CCDC91: variants seen among roughly 807,000 people sequenced by gnomAD.
The protein encoded by CCDC91 is coiled-coil domain-containing protein 91.
CCDC91 carries 48 observed loss-of-function variants against 63.2 expected under a neutral mutation model. The ratio of observed to expected loss-of-function variants is 0.76; its 90% CI spans 0.60 to 0.97. CCDC91 has a LOEUF of 0.97. Ranked by LOEUF, CCDC91 falls within the 50% of genes least tolerant of loss-of-function variation. CCDC91 has a pLI of 0.00. For synonymous variants in CCDC91, 167 were observed against 165.8 expected (o/e 1.01, Z -0.06); for missense variants, 500 against 494.6 (o/e 1.01, Z -0.10).
At chr12:28,395,027 T>C (rs1946204169) in intron 8 of CCDC91, among the ~76,000 whole-genome samples, 1 of 152,200 alleles carries the variant, frequency 6.6e-6, no homozygotes, top group Non-Finnish European at 1.5e-5. Context: ...CTAAGACTGT[T>C]TGTATAGCTA....
chr12:28,310,320 A>C (rs1450197505), intron 6 of CCDC91, among the ~76,000 whole-genome samples: 1 of 152,076 alleles, frequency 6.6e-6, no homozygotes, highest in Non-Finnish European at 1.5e-5. Flanking sequence ...GACTTAACGT[A>C]TATCACTTTG....
At chr12:28,212,515 C>T (rs777746023) in intron 1 of CCDC91, among the ~76,000 whole-genome samples, 7 of 152,140 alleles carry the variant, frequency 4.6e-5, no homozygotes, top group East Asian at 3.8e-4. Flanking sequence ...CTTTTACAGG[C>T]GCATACCCCT....
intron 12 of CCDC91, among the ~76,000 whole-genome samples, chr12:28,544,270 C>A (rs1307476171): frequency 6.6e-6 from 1 of 151,686 alleles, no homozygotes; most frequent in African/African-American, 2.4e-5. Flanking sequence ...GTCTGCACCC[C>A]CCTTTTGGAG....
intron 3 of CCDC91, among the ~76,000 whole-genome samples, chr12:28,266,674 T>C (rs1357941929): frequency 6.6e-6 from 1 of 151,970 alleles, no homozygotes; most frequent in East Asian, 1.9e-4. Flanking sequence ...ATCTGTTCTA[T>C]CTGAATCTGA....
intron 8 of CCDC91, among the ~76,000 whole-genome samples, chr12:28,409,475 T>C (rs1217973624): frequency 6.6e-6 from 1 of 152,120 alleles, no homozygotes; most frequent in Non-Finnish European, 1.5e-5. Context: ...ATTAGAGATT[T>C]ATCAATTCTT....
chr12:28,285,513 C>T (rs929660878), intron 3 of CCDC91, among the ~76,000 whole-genome samples: 1 of 151,856 alleles, frequency 6.6e-6, no homozygotes, highest in Middle Eastern at 3.4e-3. Context: ...TCAAAAGGTA[C>T]ATAATGAGCT....
intron 8 of CCDC91, among the ~76,000 whole-genome samples, chr12:28,409,152 AT>A (rs1293687750): frequency 1.3e-5 from 2 of 152,128 alleles, no homozygotes; most frequent in African/African-American, 4.8e-5. Context: ...AGAAGCAAAT[AT>A]TTTTGCCTTT....
Position 28,275,461 on chromosome 12 carries a change from A to T in CCDC91, c.109+16019A>T, listed in dbSNP as rs561056574. Among the ~76,000 whole-genome samples, 17 of 152,298 alleles carry T rather than the reference A, an allele frequency of 1.1e-4. No individual in the cohort carries two copies. The East Asian group carries it at 3.1e-3, about 28-fold the overall frequency. On this transcript the variant is annotated intron_variant, in intron 3 of 12. Transcript: ENST00000536442. Reference sequence around the variant, plus strand: ...CTGAATAGACCAATAACAGGCTCTGAAATTGAGGCAGTAAGTAATAGCTTA... The same window carrying T: ...CTGAATAGACCAATAACAGGCTCTGTAATTGAGGCAGTAAGTAATAGCTTA...
At chr12:28,478,953 T>C (rs188503107) in intron 11 of CCDC91, among the ~76,000 whole-genome samples, 47 of 152,248 alleles carry the variant, frequency 3.1e-4, no homozygotes, top group African/African-American at 1.1e-3. Flanking sequence ...CATTAAAATA[T>C]CGGGAAACAA....
At chr12:28,537,455 A>G (rs1157345780) in intron 12 of CCDC91, among the ~76,000 whole-genome samples, 2 of 152,198 alleles carry the variant, frequency 1.3e-5, no homozygotes, top group Non-Finnish European at 2.9e-5. Context: ...GCTTGTTCTC[A>G]ACTTCTCAAG....
chr12:28,196,887 T>C (rs1220512153), intron 1 of CCDC91, among the ~76,000 whole-genome samples: 3 of 152,150 alleles, frequency 2.0e-5, no homozygotes, highest in Admixed American at 1.3e-4. Flanking sequence ...CAGAATCACA[T>C]TGGGAGTACT....
intron 8 of CCDC91, among the ~76,000 whole-genome samples, chr12:28,441,703 CTCATATATATA>C (rs1479790712): frequency 9.2e-5 from 12 of 130,318 alleles, no homozygotes; most frequent in African/African-American, 3.5e-4. Flanking sequence ...ATATATCTCT[CTCATATATATA>C]TCTCATATAT....
At chr12:28,247,811 G>A (rs1945855338) in intron 1 of CCDC91, among the ~76,000 whole-genome samples, 1 of 152,192 alleles carries the variant, frequency 6.6e-6, no homozygotes, top group South Asian at 2.1e-4. Flanking sequence ...AACGTTGGGA[G>A]ATGGTTTTGG....
chr12:28,393,744 G>C (rs1270183590), intron 8 of CCDC91, among the ~76,000 whole-genome samples: 1 of 152,118 alleles, frequency 6.6e-6, no homozygotes, highest in Non-Finnish European at 1.5e-5. Context: ...TCAGATTTCT[G>C]TACTTTTCTA....
chr12:28,197,253 AAC>A (rs1941838283), intron 1 of CCDC91, among the ~76,000 whole-genome samples: 1 of 152,110 alleles, frequency 6.6e-6, no homozygotes, highest in East Asian at 1.9e-4. Flanking sequence ...GAATTTCAGA[AAC>A]AGAGTTCCTT....
chr12:28,399,652 C>G lies in CCDC91; in HGVS notation c.762+8241C>G, dbSNP rs142549162. On this transcript the variant is annotated intron_variant, in intron 8 of 12. Transcript: ENST00000536442. ...AAGCAAGTTAGTTACTTCCTAGATA[C>G]AATGGAGATACAGACATTGGATAGA... Among the ~76,000 whole-genome samples the G allele has an allele frequency of 2.6e-5, 4 of 152,270 alleles. No individual in the cohort carries two copies. In the East Asian group the frequency reaches 7.7e-4, roughly 29 times the overall value.
intron 3 of CCDC91, 145 bp downstream of exon 3, chr12:28,259,587 T>G: frequency 1.7e-6 from 1 of 576,648 alleles, no homozygotes; most frequent in African/African-American, 1.9e-5. Flanking sequence ...CTCTTTAGGT[T>G]TTTAAAATAA....
chr12:28,359,359 G>A (rs1043667996), intron 6 of CCDC91, among the ~76,000 whole-genome samples: 12 of 152,052 alleles, frequency 7.9e-5, no homozygotes, highest in Middle Eastern at 3.2e-3. Flanking sequence ...TAATATATTC[G>A]TCTTTAGTTT....
intron 6 of CCDC91, among the ~76,000 whole-genome samples, chr12:28,318,290 G>A (rs899089504): frequency 2.0e-5 from 3 of 151,728 alleles, no homozygotes; most frequent in Non-Finnish European, 4.4e-5. Context: ...GGGAGGCTGT[G>A]GCAGGAGGAT....
Sources: gnomAD v4.1 joint callset for allele counts (sites outside exome capture counted in the v4.1 genomes callset) on GRCh38, gnomAD v4.1.1 for gene constraint, MANE v1.5 for transcripts, NCBI Gene and HGNC (gene_info 2026-07-23, HGNC 2026-07-21) for gene names.